Variants in FARS2 observed in about 807,000 individuals in gnomAD.
The protein encoded by FARS2 is phenylalanine--tRNA ligase, mitochondrial.
FARS2 carries 40 observed loss-of-function variants against 46.4 expected under a neutral mutation model. That is an observed-to-expected ratio of 0.86 (90% CI 0.67 to 1.12). The LOEUF (loss-of-function observed/expected upper bound fraction) is 1.12. Among genes scored for constraint, FARS2 ranks in the 50% most tolerant of loss-of-function variants. The probability of loss-of-function intolerance (pLI) is 0.00; values close to 1 mark genes in which losing one functional copy is unlikely to be tolerated. For missense variants in FARS2, 513 were observed against 567.9 expected, an observed-to-expected ratio of 0.90 and a Z score of 0.98; for synonymous variants, 234 against 214.9, an observed-to-expected ratio of 1.09 and a Z score of -0.78.
intron 1 of FARS2, among the ~76,000 whole-genome samples, chr6:5,328,657 C>T (rs759584158): frequency 2.0e-4 from 30 of 151,722 alleles, no homozygotes; most frequent in Admixed American, 4.6e-4. Context: ...CTGATGGCAG[C>T]GTATTTATGG....
intron 5 of FARS2, among the ~76,000 whole-genome samples, chr6:5,562,593 C>T (rs923316008): frequency 6.6e-6 from 1 of 151,790 alleles, no homozygotes. Context: ...TTTTCCCTGC[C>T]CTGACATTTA....
In FARS2 at chr6:5,630,358, T is replaced by C. The variant is rs1002619148; in HGVS notation, c.1217+17038T>C. ...CACATGGATTTGACAATGAGTAGTC[T>C]TCTAGTAGTCAGTTCAATGGTAGAA... is the stretch of plus-strand genomic sequence containing the variant. On this transcript the variant is annotated intron_variant, in intron 6 of 6. Transcript: ENST00000274680. The surrounding 1 kb of genome is among the most constrained non-coding windows in gnomAD (Gnocchi z 4.2). 1.1e-4 allele frequency among the ~76,000 whole-genome samples: 16 copies of C among 152,352 alleles called. No individual in the cohort carries two copies. The highest frequency in any genetic ancestry group is 5.8e-4 in the East Asian group (3 of 5,188).
intron 4 of FARS2, among the ~76,000 whole-genome samples, chr6:5,517,633 C>CAT (rs1030179688): frequency 6.6e-6 from 1 of 150,542 alleles, no homozygotes; most frequent in Non-Finnish European, 1.5e-5. Context: ...AAAGTATAGA[C>CAT]ATATATATAC....
intron 4 of FARS2, among the ~76,000 whole-genome samples, chr6:5,434,049 T>G (rs1044656890): frequency 2.0e-5 from 3 of 152,204 alleles, no homozygotes; most frequent in Non-Finnish European, 4.4e-5. Context: ...TTTCAGAGAT[T>G]CGCAGTGATG....
chr6:5,769,728 C>T (rs1762935207), intron 6 of FARS2, among the ~76,000 whole-genome samples: 1 of 152,190 alleles, frequency 6.6e-6, no homozygotes, highest in Non-Finnish European at 1.5e-5. Flanking sequence ...CGGGAATCCC[C>T]AGGAGGTCCC....
intron 2 of FARS2, among the ~76,000 whole-genome samples, chr6:5,393,099 T>C (rs1760674643): frequency 6.6e-6 from 1 of 152,106 alleles, no homozygotes; most frequent in Admixed American, 6.6e-5. Context: ...CATTCCCTAA[T>C]ATGTCCCTAA....
At chr6:5,632,668 T>A (rs1254684217) in intron 6 of FARS2, among the ~76,000 whole-genome samples, 1 of 141,068 alleles carries the variant, frequency 7.1e-6, no homozygotes, top group Non-Finnish European at 1.6e-5. Context: ...CTCCCCTTTC[T>A]TACCATCCTA....
chr6:5,733,632 GA>G (rs1174164897), intron 6 of FARS2, among the ~76,000 whole-genome samples: 1 of 152,120 alleles, frequency 6.6e-6, no homozygotes, highest in Non-Finnish European at 1.5e-5. Flanking sequence ...CTTTGCTCAA[GA>G]ACATGTAAGG....
intron 6 of FARS2, among the ~76,000 whole-genome samples, chr6:5,717,180 C>T (rs541169924): frequency 1.3e-5 from 2 of 152,148 alleles, no homozygotes; most frequent in South Asian, 2.1e-4. Flanking sequence ...TAGAGTCCTG[C>T]CTTGGGGAGA....
At chr6:5,702,815 G>A (rs1023730390) in intron 6 of FARS2, among the ~76,000 whole-genome samples, 11 of 152,220 alleles carry the variant, frequency 7.2e-5, no homozygotes, top group African/African-American at 1.4e-4. Flanking sequence ...AAACATTTAG[G>A]ACTAAGAGAA....
chr6:5,733,460 C>T (rs1385239042), intron 6 of FARS2, among the ~76,000 whole-genome samples: 1 of 152,146 alleles, frequency 6.6e-6, no homozygotes, highest in African/African-American at 2.4e-5. Flanking sequence ...AATTTTTGCT[C>T]TAAAAAGATG....
chr6:5,733,429 A>G (rs1345741890), intron 6 of FARS2, among the ~76,000 whole-genome samples: 3 of 152,192 alleles, frequency 2.0e-5, no homozygotes. Flanking sequence ...AATCTATGCA[A>G]TACCACGGAC....
chr6:5,669,173 G>T (rs1316445214), intron 6 of FARS2, among the ~76,000 whole-genome samples: 1 of 152,142 alleles, frequency 6.6e-6, no homozygotes, highest in Non-Finnish European at 1.5e-5. Context: ...AGTAGTCCTG[G>T]AATGGGAAAA....
chr6:5,586,973 G>A (rs1445364463), intron 5 of FARS2, among the ~76,000 whole-genome samples: 28 of 152,194 alleles, frequency 1.8e-4, no homozygotes, highest in Non-Finnish European at 5.9e-5. Context: ...TGTGGCTAAT[G>A]GAAGCTATAT....
chr6:5,546,900 T>G (rs1280044589), intron 5 of FARS2, among the ~76,000 whole-genome samples: 1 of 151,958 alleles, frequency 6.6e-6, no homozygotes, highest in African/African-American at 2.4e-5. Flanking sequence ...CATCCATTCT[T>G]CCTTAAATTC....
intron 4 of FARS2, among the ~76,000 whole-genome samples, chr6:5,443,685 C>T (rs185248984): frequency 1.3e-5 from 2 of 152,208 alleles, no homozygotes; most frequent in Non-Finnish European, 2.9e-5. Context: ...GCCCCAGCCC[C>T]GCAGACAGGT....
intron 2 of FARS2, among the ~76,000 whole-genome samples, chr6:5,395,873 T>C (rs987952898): frequency 1.3e-5 from 2 of 152,188 alleles, no homozygotes; most frequent in Non-Finnish European, 2.9e-5. Context: ...GTATAAAATA[T>C]CTAAAAGCAC....
At chr6:5,515,538 T>G (rs1455617846) in intron 4 of FARS2, among the ~76,000 whole-genome samples, 1 of 152,170 alleles carries the variant, frequency 6.6e-6, no homozygotes, top group Non-Finnish European at 1.5e-5. Flanking sequence ...AAGCATTTCT[T>G]GTGCCTCAGC....
At chr6:5,701,397 T>C (rs140599690) in intron 6 of FARS2, among the ~76,000 whole-genome samples, 7 of 152,332 alleles carry the variant, frequency 4.6e-5, no homozygotes, top group African/African-American at 1.2e-4. Flanking sequence ...GCGTGTGTCA[T>C]TGGGGGAAGC....
Sources: gnomAD v4.1 joint callset for allele counts (sites outside exome capture counted in the v4.1 genomes callset) on GRCh38, gnomAD v4.1.1 for gene constraint, Gnocchi (gnomAD v3.1) non-coding constraint, MANE v1.5 for transcripts, NCBI Gene and HGNC (gene_info 2026-07-23, HGNC 2026-07-21) for gene names.